C16orf46: variants seen among roughly 807,000 people sequenced by gnomAD.
The protein encoded by C16orf46 is chromosome 16 open reading frame 46, also known as uncharacterized protein C16orf46.
In C16orf46, 7 loss-of-function variants were observed where a neutral mutation model predicts 5.5. The ratio of observed to expected loss-of-function variants is 1.28; its 90% CI spans 0.73 to 2.40. The LOEUF (loss-of-function observed/expected upper bound fraction) is 2.40, where lower values mean the gene tolerates loss of function less well. C16orf46 is among the 30% of genes most tolerant of loss of function. The pLI, the probability that C16orf46 is intolerant of heterozygous loss-of-function variation, is 0.00. For synonymous variants in C16orf46, 200 were observed against 184.1 expected, an observed-to-expected ratio of 1.09 and a Z score of -0.70; for missense variants, 614 against 476.0, an observed-to-expected ratio of 1.29 and a Z score of -2.70.
chr16:81,061,924 G>A lies in C16orf46; in HGVS notation c.425C>T (p.Thr142Ile), dbSNP rs746367231. Reference protein sequence around the residue: ...QTQAAPQGPSTASRAISDICF... With the variant: ...QTQAAPQGPSIASRAISDICF... ...GATGTCGCTAATTGCCCTGGAAGCA[G>A]TGCTGGGGCCCTGGGGGGCTGCCTG... Residue 142 changes from threonine to isoleucine, a missense_variant, in exon 4 of 4, where the codon ACT (threonine) becomes ATT (isoleucine). By Grantham distance (89) the Thr-to-Ile change is moderately conservative. Transcript: ENST00000299578. 6.2e-7 allele frequency: 1 copy of A among 1,614,222 alleles called. No individual in the cohort carries two copies. Among genetic ancestry groups the A allele is most frequent in the Non-Finnish European group, 8.5e-7 (1 of 1,180,036 alleles).
downstream of C16orf46, among the ~76,000 whole-genome samples, chr16:81,059,746 T>C (rs1971407129): frequency 6.6e-6 from 1 of 152,002 alleles, no homozygotes; most frequent in African/African-American, 2.4e-5. Flanking sequence ...AGAGGAAGCA[T>C]GTGGGATGAT....
intron 1 of C16orf46, among the ~76,000 whole-genome samples, chr16:81,075,667 G>C (rs1471340838): frequency 6.6e-6 from 1 of 152,192 alleles, no homozygotes; most frequent in Non-Finnish European, 1.5e-5. Flanking sequence ...AGGATCTTAT[G>C]ACCTGACTAT....
exon 4 of C16orf46, chr16:81,053,683 G>A (rs2151744491): frequency 6.0e-6 from 1 of 167,870 alleles, no homozygotes; most frequent in East Asian, 1.6e-4. Flanking sequence ...CTGCAAAAAA[G>A]AAACAACAAA....
Position 81,062,145 on chromosome 16 carries a change from A to G in C16orf46, c.211-7T>C, listed in dbSNP as rs762594199. On this transcript the variant is annotated splice_polypyrimidine_tract_variant and splice_region_variant and intron_variant, in intron 3 of 3. Transcript: ENST00000299578. ...TCCTTCCCCACCCTTGGACCTGCAA[A>G]TAAAGCGGCATGTTACTCCTCCAGC... 5.8e-6 allele frequency: 9 copies of G among 1,549,794 alleles called. No individual in the cohort carries two copies. The East Asian group carries it at 2.0e-4, about 35-fold the overall frequency.
At chr16:81,055,521 C>T (rs1442833227) in intron 3 of C16orf46, 7 of 147,716 alleles carry the variant, frequency 4.7e-5, no homozygotes, top group East Asian at 3.9e-4. Context: ...TGGCAAAACC[C>T]GTCTCTTCAA....
chr16:81,068,502 G>A (rs1053810717), intron 1 of C16orf46, among the ~76,000 whole-genome samples: 1 of 151,498 alleles, frequency 6.6e-6, no homozygotes, highest in South Asian at 2.1e-4. Context: ...GAAAAGAAGT[G>A]AAGGGATAGC....
chr16:81,071,941 T>A (rs1158251820), intron 1 of C16orf46: 1 of 152,226 alleles, frequency 6.6e-6, no homozygotes, highest in Non-Finnish European at 1.5e-5. Context: ...GACTTGTGAC[T>A]AGCCTGGTCA....
At position 81,061,586 on chromosome 16, in the gene C16orf46, A is replaced by G. The variant is rs1262970367; in HGVS notation, c.763T>C (p.Leu255=). Residue 255 remains leucine (L), a synonymous_variant, in exon 4 of 4, where the codon TTG becomes CTG. Transcript: ENST00000299578. ...TCACCTTTCCCATCTGCTGTTTTCA[A>G]GCCATATGCATAAGCCACACACCCA... ...KDGCVAYAYG[L]KTADGKGEKR... is the part of the protein sequence containing the mutation. The G allele has an allele frequency of 6.2e-7, 1 of 1,614,186 alleles. No individual in the cohort carries two copies. Among genetic ancestry groups the G allele is most frequent in the Non-Finnish European group, 8.5e-7 (1 of 1,180,034 alleles).
chr16:81,072,216 G>C (rs1212345013), intron 1 of C16orf46: 3 of 151,728 alleles, frequency 2.0e-5, no homozygotes, highest in African/African-American at 7.3e-5. Context: ...TGCTACACCA[G>C]TCTGTCCTAT....
intron 1 of C16orf46, among the ~76,000 whole-genome samples, chr16:81,068,856 C>A (rs1364246107): frequency 6.6e-6 from 1 of 151,892 alleles, no homozygotes; most frequent in Non-Finnish European, 1.5e-5. Context: ...CGCATGCCAC[C>A]ACGCCCGGCT....
Position 81,063,898 on chromosome 16 carries a change from G to GA in C16orf46, c.57dup (p.Gln20SerfsTer18). The GA allele has an allele frequency of 6.2e-7, 1 of 1,613,470 alleles. No individual in the cohort carries two copies. Among genetic ancestry groups the GA allele is most frequent in the East Asian group, 2.2e-5 (1 of 44,846 alleles). Reference sequence around the variant, plus strand: ...GTTGGTTCTGTTTCTTCTGTGAACTGAATTTCATTATTTTCAGCATTTTCT... The same window carrying GA: ...GTTGGTTCTGTTTCTTCTGTGAACTGAAATTTCATTATTTTCAGCATTTTCT... On this transcript the variant is annotated frameshift_variant, in exon 3 of 4. Transcript: ENST00000299578. LOFTEE classifies it high-confidence loss of function.
At chr16:81,069,249 G>A in intron 1 of C16orf46, among the ~76,000 whole-genome samples, 1 of 152,156 alleles carries the variant, frequency 6.6e-6, no homozygotes, top group East Asian at 1.9e-4. Flanking sequence ...AGTCAAGACA[G>A]GCAAGGATAG....
downstream of C16orf46, chr16:81,056,472 G>C (rs1971297946): frequency 6.6e-6 from 1 of 151,916 alleles, no homozygotes; most frequent in Admixed American, 6.6e-5. Context: ...GAGATGGGTG[G>C]ATCACTTGAG....
intron 1 of C16orf46, among the ~76,000 whole-genome samples, chr16:81,073,256 A>G (rs903663006): frequency 2.0e-5 from 3 of 152,218 alleles, no homozygotes; most frequent in African/African-American, 7.2e-5. Context: ...AAAAGTGCCT[A>G]TTAGAGATTG....
chr16:81,055,673 A>C (rs1408161065), intron 3 of C16orf46, among the ~76,000 whole-genome samples: 1 of 152,158 alleles, frequency 6.6e-6, no homozygotes, highest in South Asian at 2.1e-4. Context: ...CAGCCTGGGT[A>C]ACAGGTGAAA....
chr16:81,065,634 G>T (rs867445484), intron 2 of C16orf46, among the ~76,000 whole-genome samples: 17 of 152,122 alleles, frequency 1.1e-4, no homozygotes, highest in African/African-American at 4.1e-4. Context: ...TTCTCAAGAA[G>T]TTCCTTGCTT....
downstream of C16orf46, among the ~76,000 whole-genome samples, chr16:81,057,352 T>G (rs367971437): frequency 1.3e-5 from 2 of 151,646 alleles, no homozygotes; most frequent in East Asian, 4.0e-4. Flanking sequence ...AGTTTGAGAC[T>G]AGCCTGGCCT....
chr16:81,074,143 T>C (rs1563075), intron 1 of C16orf46, among the ~76,000 whole-genome samples: 15,931 of 152,212 alleles, frequency 0.1, 868 homozygotes, highest in East Asian at 0.21. Flanking sequence ...TCTTCTCAAA[T>C]GCAAATCTGA....
intron 2 of C16orf46, among the ~76,000 whole-genome samples, chr16:81,065,408 AG>A (rs1217245963): frequency 1.4e-5 from 2 of 142,108 alleles, no homozygotes; most frequent in Non-Finnish European, 3.0e-5. Context: ...TGGGAGGCAG[AG>A]GTTGCAGTGA....
Sources: allele counts gnomAD v4.1 joint callset (sites outside exome capture counted in the v4.1 genomes callset), GRCh38; gene constraint gnomAD v4.1.1; transcripts MANE v1.5; gene names NCBI Gene and HGNC (gene_info 2026-07-23, HGNC 2026-07-21).